The following SIMC1 variants were observed in gnomAD, a reference collection of about 807,000 sequenced individuals.
SIMC1 encodes the protein SUMO-interacting motif-containing protein 1.
Under a neutral mutation model 82.3 loss-of-function variants are expected in SIMC1, and 55 were observed. The observed-to-expected ratio is 0.67, with a 90% confidence interval of 0.54 to 0.84. The LOEUF is 0.84. SIMC1 is among the 40% of genes least tolerant of loss of function. The pLI, the probability that SIMC1 is intolerant of heterozygous loss-of-function variation, is 0.00. For missense variants in SIMC1, 915 were observed against 1,107.2 expected (o/e 0.83, Z 2.46); for synonymous variants, 353 against 426.3 (o/e 0.83, Z 2.12).
intron 1 of SIMC1, among the ~76,000 whole-genome samples, chr5:176,275,213 T>TTACTTACAA (rs1420890796): frequency 6.6e-6 from 1 of 151,778 alleles, no homozygotes; most frequent in Non-Finnish European, 1.5e-5. Flanking sequence ...GTTGGATTCC[T>TTACTTACAA]AGGTATTTTA....
intron 2 of SIMC1, among the ~76,000 whole-genome samples, chr5:176,294,336 G>A (rs1438757764): frequency 6.6e-6 from 1 of 152,134 alleles, no homozygotes; most frequent in Non-Finnish European, 1.5e-5. Flanking sequence ...CTGGAGTGCA[G>A]TGGCGCCATC....
At chr5:176,249,729 A>C (rs1459956509) in intron 1 of SIMC1, among the ~76,000 whole-genome samples, 2 of 151,036 alleles carry the variant, frequency 1.3e-5, no homozygotes, top group East Asian at 3.9e-4. Flanking sequence ...CTGTAGTCCC[A>C]GCTACTCAGG....
chr5:176,292,460 T>A (rs1295096938), intron 2 of SIMC1, among the ~76,000 whole-genome samples: 2 of 152,130 alleles, frequency 1.3e-5, no homozygotes, highest in African/African-American at 4.8e-5. Context: ...GGAGAATGAT[T>A]TTTTTTCTCT....
intron 5 of SIMC1, among the ~76,000 whole-genome samples, 155 bp from the exon 6 acceptor site, chr5:176,322,118 G>A (rs1015468613): frequency 2.6e-5 from 4 of 151,954 alleles, no homozygotes; most frequent in Non-Finnish European, 5.9e-5. Flanking sequence ...CCCTTTTGTT[G>A]CCTGTAGGGA....
chr5:176,319,002 G>A (rs149624276), intron 5 of SIMC1, among the ~76,000 whole-genome samples: 47 of 152,284 alleles, frequency 3.1e-4, no homozygotes, highest in East Asian at 2.1e-3. Context: ...CCAGCTACTC[G>A]GAAGGCTGAG....
rs768609234 is a variant in SIMC1 at position 176,345,189 on chromosome 5, TAAG to T, written c.2421_2423del (p.Arg808del). On this transcript the variant is annotated inframe_deletion, in exon 10 of 10. Transcript: ENST00000429602. ...ACTTTTTTCCCTCTTGCAGAACACT[TAAG>T]GAGTTCCGTGATCGACCGAAAGGAC... The T allele has an allele frequency of 6.2e-7, 1 of 1,613,682 alleles. No homozygotes were observed. The highest frequency in any genetic ancestry group is 1.1e-5 in the South Asian group (1 of 91,058).
intron 4 of SIMC1, 138 bp downstream of exon 4, chr5:176,296,458 G>T: frequency 7.3e-7 from 1 of 1,365,120 alleles, no homozygotes; most frequent in Non-Finnish European, 1.0e-6. Flanking sequence ...GAGCCCAGGA[G>T]TTCAAGGCCA....
At chr5:176,289,500 G>A (rs575009780) in intron 1 of SIMC1, among the ~76,000 whole-genome samples, 154 bp from the exon 2 acceptor site, 1 of 152,238 alleles carries the variant, frequency 6.6e-6, no homozygotes, top group East Asian at 1.9e-4. Context: ...GACAGCTTTG[G>A]CAATACTATT....
chr5:176,344,507 C>T (rs1043926358), intron 9 of SIMC1, among the ~76,000 whole-genome samples: 1 of 144,480 alleles, frequency 6.9e-6, no homozygotes, highest in East Asian at 2.0e-4. Context: ...ACACACACAC[C>T]TGAGACTGGG....
At chr5:176,295,349 C>T (rs977033417) in intron 3 of SIMC1, 87 bp downstream of exon 3, 106 of 1,486,884 alleles carry the variant, frequency 7.1e-5, no homozygotes, top group Non-Finnish European at 8.7e-5. Flanking sequence ...CTTTTTTAAC[C>T]TAACCGTTAC....
chr5:176,298,715 T>TA (rs758357005), intron 4 of SIMC1, among the ~76,000 whole-genome samples: 2 of 152,188 alleles, frequency 1.3e-5, no homozygotes, highest in Non-Finnish European at 2.9e-5. Flanking sequence ...AGTAAAGAAG[T>TA]AGAGGTTTTT....
intron 9 of SIMC1, among the ~76,000 whole-genome samples, chr5:176,338,847 C>T (rs1000778415): frequency 1.3e-5 from 2 of 151,796 alleles, no homozygotes; most frequent in Admixed American, 6.6e-5. Context: ...AGTTTAAATC[C>T]GAACTTCACC....
intron 1 of SIMC1, among the ~76,000 whole-genome samples, chr5:176,256,337 G>A (rs868675592): frequency 6.6e-6 from 1 of 151,954 alleles, no homozygotes; most frequent in South Asian, 2.1e-4. Context: ...TTTAATTGAA[G>A]CAGTCTTTAG....
intron 1 of SIMC1, among the ~76,000 whole-genome samples, chr5:176,279,909 T>C (rs565156771): frequency 6.6e-6 from 1 of 152,276 alleles, no homozygotes; most frequent in African/African-American, 2.4e-5. Flanking sequence ...TGGTCAATTT[T>C]GGAATAGGTG....
intron 4 of SIMC1, among the ~76,000 whole-genome samples, chr5:176,298,409 G>A (rs1172515307): frequency 2.0e-5 from 3 of 152,202 alleles, no homozygotes; most frequent in African/African-American, 7.2e-5. Flanking sequence ...TGAGATGGGA[G>A]TATCACCTGA....
intron 1 of SIMC1, among the ~76,000 whole-genome samples, chr5:176,272,764 C>A (rs888792055): frequency 1.3e-5 from 2 of 152,226 alleles, no homozygotes; most frequent in Non-Finnish European, 2.9e-5. Context: ...ATGGTCTTAG[C>A]AAACGGCACA....
chr5:176,344,546 C>G (rs1369674631), intron 9 of SIMC1, among the ~76,000 whole-genome samples: 1 of 152,122 alleles, frequency 6.6e-6, no homozygotes, highest in Non-Finnish European at 1.5e-5. Context: ...TTAGTTGGCT[C>G]ACAGTTCTAC....
chr5:176,249,769 G>A (rs1467626704), intron 1 of SIMC1, among the ~76,000 whole-genome samples: 4 of 148,870 alleles, frequency 2.7e-5, no homozygotes, highest in Admixed American at 6.8e-5. Context: ...GTGTGAACCC[G>A]GGAGGTGGAG....
chr5:176,273,306 T>C (rs1400665698), intron 1 of SIMC1, among the ~76,000 whole-genome samples: 1 of 152,158 alleles, frequency 6.6e-6, no homozygotes, highest in Non-Finnish European at 1.5e-5. Flanking sequence ...CTACTGGTGA[T>C]ACTCAGGCAA....
Sources: gnomAD v4.1 joint callset for allele counts (sites outside exome capture counted in the v4.1 genomes callset) on GRCh38, gnomAD v4.1.1 for gene constraint, MANE v1.5 for transcripts, NCBI Gene and HGNC (gene_info 2026-07-23, HGNC 2026-07-21) for gene names.